The following PKIB variants were observed in gnomAD, a reference collection of about 807,000 sequenced individuals.
PKIB encodes the protein cAMP-dependent protein kinase inhibitor beta, also known as PKI-beta.
A neutral mutation model predicts 4.5 loss-of-function variants in PKIB; 2 were observed. The ratio of observed to expected loss-of-function variants is 0.44; its 90% confidence interval spans 0.18 to 1.39. The LOEUF is 1.39. PKIB is among the 40% of genes most tolerant of loss of function. The pLI, the probability that PKIB is intolerant of heterozygous loss-of-function variation, is 0.27. For missense variants in PKIB, 94 were observed against 92.6 expected (o/e 1.02, Z -0.06); for synonymous variants, 38 against 36.0 (o/e 1.06, Z -0.20).
intron 2 of PKIB, among the ~76,000 whole-genome samples, chr6:122,668,258 A>T (rs895302030): frequency 6.6e-6 from 1 of 152,224 alleles, no homozygotes; most frequent in Non-Finnish European, 1.5e-5. Context: ...AATACTGTAT[A>T]TAGGATTCAA....
intron 2 of PKIB, among the ~76,000 whole-genome samples, chr6:122,499,139 A>G (rs1776153886): frequency 6.6e-6 from 1 of 152,182 alleles, no homozygotes; most frequent in African/African-American, 2.4e-5. Flanking sequence ...AGACATACAA[A>G]GAAGAGTTGC....
At chr6:122,683,907 T>G (rs1432673842) in intron 3 of PKIB, among the ~76,000 whole-genome samples, 1 of 152,208 alleles carries the variant, frequency 6.6e-6, no homozygotes, top group Non-Finnish European at 1.5e-5. Flanking sequence ...TAAAGAGATA[T>G]TAGCACTCCC....
intron 2 of PKIB, among the ~76,000 whole-genome samples, chr6:122,528,893 G>GA (rs773816117): frequency 1.3e-4 from 19 of 151,906 alleles, no homozygotes; most frequent in Non-Finnish European, 2.2e-4. Flanking sequence ...AGAGAAAAGA[G>GA]AAAAAATGGA....
chr6:122,545,610 T>C (rs546477810), intron 2 of PKIB, among the ~76,000 whole-genome samples: 2 of 149,914 alleles, frequency 1.3e-5, no homozygotes, highest in African/African-American at 4.9e-5. Context: ...CACCCACAAA[T>C]AGGGCCTGGT....
chr6:122,549,949 C>G (rs999128737), intron 2 of PKIB, among the ~76,000 whole-genome samples: 5 of 151,540 alleles, frequency 3.3e-5, no homozygotes, highest in African/African-American at 9.7e-5. Flanking sequence ...GAGTCTTGCT[C>G]TGTCACCCAG....
chr6:122,571,617 C>G (rs1773370302), intron 2 of PKIB, among the ~76,000 whole-genome samples: 1 of 152,098 alleles, frequency 6.6e-6, no homozygotes, highest in African/African-American at 2.4e-5. Context: ...AATTGTCAGC[C>G]AAGAATTTTG....
intron 2 of PKIB, among the ~76,000 whole-genome samples, chr6:122,502,529 A>G (rs1026538668): frequency 9.2e-5 from 14 of 151,806 alleles, no homozygotes; most frequent in Non-Finnish European, 4.4e-5. Context: ...GAGAGAGTGA[A>G]GGGGGAAGTG....
At chr6:122,580,057 A>AT (rs1236090081) in intron 2 of PKIB, among the ~76,000 whole-genome samples, 3 of 152,110 alleles carry the variant, frequency 2.0e-5, no homozygotes, top group African/African-American at 7.2e-5. Flanking sequence ...TGTTCAGTGA[A>AT]TTTTTACTGA....
chr6:122,501,464 C>T (rs1259138415), intron 2 of PKIB, among the ~76,000 whole-genome samples: 1 of 152,186 alleles, frequency 6.6e-6, no homozygotes, highest in African/African-American at 2.4e-5. Context: ...GCTTCCAAAC[C>T]TCAACTCTTT....
chr6:122,568,344 A>G (rs1562254380), intron 2 of PKIB, among the ~76,000 whole-genome samples: 1 of 152,210 alleles, frequency 6.6e-6, no homozygotes, highest in Non-Finnish European at 1.5e-5. Flanking sequence ...AGCCTTTGAA[A>G]TAAGTGACAG....
rs776406748 is a variant in PKIB at position 122,521,553 on chromosome 6, G to A, written c.-248+43614G>A. On this transcript the variant is annotated intron_variant, in intron 2 of 6. Coordinates refer to the PKIB transcript ENST00000392491. ...AAATTAGCTGGGCGTGGTGGTGGGC[G>A]CCTGTAGTCCCAGCTACTCAGGAGG... 2.0e-4 allele frequency among the ~76,000 whole-genome samples: 30 copies of A among 152,020 alleles called. No individual in the cohort carries two copies. In the East Asian group the frequency reaches 3.9e-3, roughly 20 times the overall value.
At chr6:122,617,442 G>T (rs1775040066) in intron 1 of PKIB, among the ~76,000 whole-genome samples, 1 of 152,062 alleles carries the variant, frequency 6.6e-6, no homozygotes, top group Admixed American at 6.6e-5. Flanking sequence ...AGCATAGTTT[G>T]TTTCAACTCT....
chr6:122,507,081 G>A (rs1024690530), intron 2 of PKIB, among the ~76,000 whole-genome samples: 2 of 152,060 alleles, frequency 1.3e-5, no homozygotes, highest in Non-Finnish European at 2.9e-5. Context: ...GGTTTAAATT[G>A]TTTTAATTGA....
At chr6:122,650,473 T>C (rs1166265775) in intron 2 of PKIB, among the ~76,000 whole-genome samples, 1 of 152,210 alleles carries the variant, frequency 6.6e-6, no homozygotes, top group East Asian at 1.9e-4. Context: ...GATTACCTAT[T>C]TCTTTTCTAG....
chr6:122,691,606 AT>A (rs77634279), intron 3 of PKIB, among the ~76,000 whole-genome samples: 33,862 of 150,048 alleles, frequency 0.23, 4,723 homozygotes, highest in East Asian at 0.43. Context: ...TGTTATCTTG[AT>A]TTTTTTTTTA....
At chr6:122,637,365 T>C (rs1775959115) in intron 2 of PKIB, among the ~76,000 whole-genome samples, 1 of 152,138 alleles carries the variant, frequency 6.6e-6, no homozygotes. Context: ...AAAGCAGAAA[T>C]TTTTCTGGGA....
At chr6:122,512,812 C>T (rs1393893492) in intron 2 of PKIB, among the ~76,000 whole-genome samples, 1 of 152,200 alleles carries the variant, frequency 6.6e-6, no homozygotes, top group Admixed American at 6.5e-5. Context: ...ATGTCAATGT[C>T]CCAATTGCCC....
chr6:122,690,930 A>ATTTT (rs1287193423), intron 3 of PKIB, among the ~76,000 whole-genome samples: 1 of 131,126 alleles, frequency 7.6e-6, no homozygotes, highest in African/African-American at 3.0e-5. Flanking sequence ...ATATATATAT[A>ATTTT]TATTTTTTTT....
chr6:122,681,792 G>A (rs929374970), intron 3 of PKIB, among the ~76,000 whole-genome samples: 1 of 152,196 alleles, frequency 6.6e-6, no homozygotes, highest in Admixed American at 6.5e-5. Context: ...TAGAATTTTA[G>A]GAGTGATATT....
Sources: gnomAD v4.1 joint callset for allele counts (sites outside exome capture counted in the v4.1 genomes callset) on GRCh38, gnomAD v4.1.1 for gene constraint, MANE v1.5 for transcripts, NCBI Gene and HGNC (gene_info 2026-07-23, HGNC 2026-07-21) for gene names.